MACROD2: variants seen among roughly 807,000 people sequenced by gnomAD.
MACROD2 encodes the protein mono-ADP ribosylhydrolase 2.
MACROD2 carries 36 observed loss-of-function variants against 70.4 expected under a neutral mutation model. The ratio of observed to expected loss-of-function variants is 0.51; its 90% CI spans 0.39 to 0.68. MACROD2 has a LOEUF of 0.68. Ranked by LOEUF, MACROD2 falls within the 30% of genes least tolerant of loss-of-function variation. MACROD2 has a pLI of 0.00. For missense variants in MACROD2, 496 were observed against 538.4 expected (o/e 0.92, Z 0.78); for synonymous variants, 172 against 178.8 (o/e 0.96, Z 0.30).
At chr20:15,782,462 C>T (rs899467295) in intron 8 of MACROD2, among the ~76,000 whole-genome samples, 6 of 151,980 alleles carry the variant, frequency 3.9e-5, no homozygotes, top group African/African-American at 1.4e-4. Context: ...TGGACTGGGG[C>T]TGGAGCTGCA....
chr20:15,796,278 A>G (rs1483657169), intron 8 of MACROD2, among the ~76,000 whole-genome samples: 1 of 152,210 alleles, frequency 6.6e-6, no homozygotes, highest in Non-Finnish European at 1.5e-5. Context: ...CCCTGCAGCT[A>G]TACTTCCTGC....
At chr20:14,407,777 C>G (rs1417485508) in intron 3 of MACROD2, among the ~76,000 whole-genome samples, 5 of 152,126 alleles carry the variant, frequency 3.3e-5, no homozygotes, top group Non-Finnish European at 5.9e-5. Context: ...AATAATTAAG[C>G]TTTATGAGCT....
intron 6 of MACROD2, among the ~76,000 whole-genome samples, chr20:15,365,222 T>C (rs987392466): frequency 5.9e-5 from 9 of 152,306 alleles, no homozygotes; most frequent in Non-Finnish European, 8.8e-5. Context: ...AGTTAGTGTT[T>C]TATAGTGAAT....
At chr20:15,619,932 T>A (rs1288708421) in intron 8 of MACROD2, 1 of 152,764 alleles carries the variant, frequency 6.5e-6, no homozygotes, top group East Asian at 1.9e-4. Context: ...GCTGCTTTGG[T>A]CCCTGTCAAT....
chr20:15,480,354 T>C (rs2047080737), intron 7 of MACROD2, among the ~76,000 whole-genome samples: 3 of 152,360 alleles, frequency 2.0e-5, no homozygotes, highest in Middle Eastern at 6.8e-3. Flanking sequence ...ATAGTCACTT[T>C]TAACCAATTC....
intron 6 of MACROD2, among the ~76,000 whole-genome samples, chr20:15,349,342 T>G (rs1338861886): frequency 6.6e-6 from 1 of 152,210 alleles, no homozygotes; most frequent in African/African-American, 2.4e-5. Context: ...GTGGGCCATG[T>G]GTTATTACCT....
chr20:15,909,744 C>T (rs1009778720), intron 10 of MACROD2, among the ~76,000 whole-genome samples: 3 of 151,752 alleles, frequency 2.0e-5, no homozygotes, highest in Non-Finnish European at 4.4e-5. Context: ...GGGATGGTCT[C>T]GATCTCCTGA....
chr20:14,947,077 A>G (rs975266046), intron 5 of MACROD2, among the ~76,000 whole-genome samples: 5 of 152,126 alleles, frequency 3.3e-5, no homozygotes, highest in Non-Finnish European at 7.4e-5. Flanking sequence ...CCCATTTCTT[A>G]TCTCCCAAAT....
intron 8 of MACROD2, among the ~76,000 whole-genome samples, chr20:15,518,577 G>T (rs1357102636): frequency 2.0e-5 from 3 of 151,958 alleles, no homozygotes; most frequent in African/African-American, 7.3e-5. Flanking sequence ...TGATTTAAAA[G>T]CAAAAAGGAG....
At chr20:14,456,665 C>G (rs2084305277) in intron 3 of MACROD2, among the ~76,000 whole-genome samples, 1 of 148,772 alleles carries the variant, frequency 6.7e-6, no homozygotes, top group South Asian at 2.1e-4. Flanking sequence ...CTATGCAATT[C>G]TAGGCCTGAT....
chr20:15,544,165 T>C (rs1050107161), intron 8 of MACROD2, among the ~76,000 whole-genome samples: 1 of 152,162 alleles, frequency 6.6e-6, no homozygotes, highest in African/African-American at 2.4e-5. Context: ...CCTCACAGCG[T>C]CTAGACTCTG....
chr20:14,127,950 G>A lies in MACROD2; in HGVS notation c.271+42222G>A, dbSNP rs533641631. 38 of 511,276 alleles carry A rather than the reference G, an allele frequency of 7.4e-5. No homozygotes were observed. In the East Asian group the frequency reaches 1.3e-3, roughly 18 times the overall value. The allele number at this position is 511,276 out of a possible 1,614,324, so 31.7% of individuals were successfully genotyped here. On this transcript the variant is annotated intron_variant, in intron 3 of 17. Coordinates refer to ENST00000684519, the MANE Select transcript of MACROD2 (RefSeq NM_001351661.2). Reference sequence around the variant, plus strand: ...TGCAGATTCTTTGTATGTAGAAGACGTAGTTGTTGGGGAAATAGTCCCAAG... The same window carrying A: ...TGCAGATTCTTTGTATGTAGAAGACATAGTTGTTGGGGAAATAGTCCCAAG...
chr20:15,463,004 A>G (rs1225076179), intron 7 of MACROD2, among the ~76,000 whole-genome samples: 2 of 152,252 alleles, frequency 1.3e-5, no homozygotes, highest in African/African-American at 4.8e-5. Flanking sequence ...TTTATTAACT[A>G]CAACTAATGT....
At chr20:14,468,972 G>T (rs142551873) in intron 3 of MACROD2, among the ~76,000 whole-genome samples, 2 of 152,154 alleles carry the variant, frequency 1.3e-5, no homozygotes, top group East Asian at 1.9e-4. Flanking sequence ...TTTGATCCTG[G>T]CATTATGATG....
intron 8 of MACROD2, among the ~76,000 whole-genome samples, chr20:15,775,968 G>A (rs1041303948): frequency 6.6e-6 from 1 of 152,150 alleles, no homozygotes; most frequent in African/African-American, 2.4e-5. Flanking sequence ...ACACCTAAAA[G>A]TATGGAATTC....
chr20:15,555,695 G>T (rs2048156376), intron 8 of MACROD2, among the ~76,000 whole-genome samples: 1 of 151,804 alleles, frequency 6.6e-6, no homozygotes. Context: ...CAAAAAATTA[G>T]CTAGGCACCT....
At chr20:15,418,312 C>A (rs1233646146) in intron 6 of MACROD2, among the ~76,000 whole-genome samples, 1 of 152,114 alleles carries the variant, frequency 6.6e-6, no homozygotes, top group African/African-American at 2.4e-5. Flanking sequence ...CTATGATCTT[C>A]CAGTAAATAT....
rs144600407 is a variant in MACROD2 at position 15,362,890 on chromosome 20, T to C, written c.541-68515T>C. Among the ~76,000 whole-genome samples the C allele has an allele frequency of 3.0e-4, 44 of 148,824 alleles. 1 individual carries two copies. Among genetic ancestry groups the C allele is most frequent in the African/African-American group, 1.1e-3 (43 of 40,242 alleles). ...ATATTTAAAGCTAAGGAATCTGATA[T>C]AGTGTTGATATGAGAGAAGAAAGGA... On this transcript the variant is annotated intron_variant, in intron 6 of 17. Coordinates refer to ENST00000684519, the MANE Select transcript of MACROD2 (RefSeq NM_001351661.2).
At chr20:14,339,464 G>C (rs1344539849) in intron 3 of MACROD2, among the ~76,000 whole-genome samples, 1 of 152,148 alleles carries the variant, frequency 6.6e-6, no homozygotes, top group Non-Finnish European at 1.5e-5. Flanking sequence ...TTTCAGATAG[G>C]AGTTGGTTCT....
Sources: gnomAD v4.1 joint callset for allele counts (sites outside exome capture counted in the v4.1 genomes callset) on GRCh38, gnomAD v4.1.1 for gene constraint, MANE v1.5 for transcripts, NCBI Gene and HGNC (gene_info 2026-07-23, HGNC 2026-07-21) for gene names.